The following DIPK1B variants were observed in gnomAD, a reference collection of about 807,000 sequenced individuals.
DIPK1B encodes divergent protein kinase domain 1B.
DIPK1B carries 17 observed loss-of-function variants against 20.7 expected under a neutral mutation model. The ratio of observed to expected loss-of-function variants is 0.82; its 90% CI spans 0.56 to 1.23. DIPK1B has a LOEUF of 1.23. Among genes scored for constraint, DIPK1B ranks in the 50% most tolerant of loss-of-function variants. The pLI is 0.00. For synonymous variants in DIPK1B, 343 were observed against 276.5 expected, an observed-to-expected ratio of 1.24 and a Z score of -2.39; for missense variants, 648 against 601.8, an observed-to-expected ratio of 1.08 and a Z score of -0.80.
intron 1 of DIPK1B, among the ~76,000 whole-genome samples, chr9:136,715,554 G>A (rs111898640): frequency 0.074 from 11,084 of 150,564 alleles, 474 homozygotes; most frequent in Non-Finnish European, 0.092. Flanking sequence ...TCACTCTGTC[G>A]CCCAGGCTGG....
intron 4 of DIPK1B, 164 bp downstream of exon 4, chr9:136,722,465 G>T: frequency 1.1e-6 from 1 of 872,250 alleles, no homozygotes; most frequent in Non-Finnish European, 1.7e-6. Flanking sequence ...CCCTGCCAGG[G>T]AAGGAGCCTC....
In DIPK1B at chr9:136,712,681, C is replaced by T. The variant is rs1327639847; in HGVS notation, c.16C>T (p.Arg6Cys). MRRLR[R>C]LAHLVLFCPF... Reference sequence around the variant, plus strand: ...GGAGCCCACCATGCGGCGGCTGCGGCGCCTGGCGCACCTGGTGCTCTTCTG... The same window carrying T: ...GGAGCCCACCATGCGGCGGCTGCGGTGCCTGGCGCACCTGGTGCTCTTCTG... Residue 6 changes from arginine to cysteine, a missense_variant, in exon 1 of 5, where the codon CGC (arginine) becomes TGC (cysteine). Coordinates refer to ENST00000371692, the MANE Select transcript of DIPK1B (RefSeq NM_152421.4). The surrounding 1 kb of genome is among the most constrained non-coding windows in gnomAD (Gnocchi z 5.6). The T allele has an allele frequency of 2.3e-6, 3 of 1,316,456 alleles. No homozygotes were observed. The highest frequency in any genetic ancestry group is 2.9e-6 in the Non-Finnish European group (3 of 1,033,338). 81.5% of individuals were successfully genotyped at this position (1,316,456 alleles called of 1,614,324 possible). A position where few individuals can be genotyped will look rare whatever the true frequency, so the allele number is the denominator to read the frequency against.
At chr9:136,716,876 G>C (rs1846504641) in intron 1 of DIPK1B, among the ~76,000 whole-genome samples, 1 of 151,874 alleles carries the variant, frequency 6.6e-6, no homozygotes, top group Non-Finnish European at 1.5e-5. Flanking sequence ...CGCTCACCTG[G>C]CCTTGTGCGG....
chr9:136,712,679 GGCGCCTGGC>G lies in DIPK1B; in HGVS notation c.17_25del (p.Arg6_Ala8del). 7.6e-7 allele frequency: 1 copy of G among 1,312,172 alleles called. No individual in the cohort carries two copies. 81.3% of individuals were successfully genotyped at this position (1,312,172 alleles called of 1,614,324 possible). On this transcript the variant is annotated inframe_deletion, in exon 1 of 5. Transcript: ENST00000371692. This position sits in a 1 kb window ranked among gnomAD's most constrained non-coding sequence, Gnocchi z 5.6. ...CCGGAGCCCACCATGCGGCGGCTGCGGCGCCTGGCGCACCTGGTGCTCTTCTGCCCCTTC... is the reference window on the plus strand; with the variant it reads ...CCGGAGCCCACCATGCGGCGGCTGCGGCACCTGGTGCTCTTCTGCCCCTTC...
Position 136,723,713 on chromosome 9 carries a change from TG to T in DIPK1B, c.1237del (p.Val413CysfsTer72). On this transcript the variant is annotated frameshift_variant, in exon 5 of 5. Coordinates refer to ENST00000371692, the MANE Select transcript of DIPK1B (RefSeq NM_152421.4). LOFTEE classifies it high-confidence loss of function. ...LASQVEAHHS[L>X]VLSHLKTLLW... ...AGCCAGGTGGAGGCCCATCACTCGCTGGTGCTCAGCCACCTCAAGACTCTGC... is the reference window on the plus strand; with the variant it reads ...AGCCAGGTGGAGGCCCATCACTCGCTGTGCTCAGCCACCTCAAGACTCTGC... 1.3e-6 allele frequency: 2 copies of T among 1,537,212 alleles called. No homozygotes were observed. Among genetic ancestry groups the T allele is most frequent in the Non-Finnish European group, 1.7e-6 (2 of 1,147,020 alleles).
At chr9:136,720,648 G>T (rs1263282843) in intron 2 of DIPK1B, among the ~76,000 whole-genome samples, 1 of 152,182 alleles carries the variant, frequency 6.6e-6, no homozygotes, top group African/African-American at 2.4e-5. Flanking sequence ...CTAAGGAGGG[G>T]GCCTGTGGGA....
Position 136,724,315 on chromosome 9 carries a change from C to T in DIPK1B, c.*541C>T, listed in dbSNP as rs1846669034. ...CCCCCCAAACCTGGGCTGTGCACAACAGACCAAGAAAAAGGTGTTCCAGTA... is the reference window on the plus strand; with the variant it reads ...CCCCCCAAACCTGGGCTGTGCACAATAGACCAAGAAAAAGGTGTTCCAGTA... On this transcript the variant is annotated 3_prime_UTR_variant, in exon 5 of 5. Coordinates refer to ENST00000371692, the MANE Select transcript of DIPK1B (RefSeq NM_152421.4). Among the ~76,000 whole-genome samples, 1 of 152,208 alleles carries T rather than the reference C, an allele frequency of 6.6e-6. No homozygotes were observed. The highest frequency in any genetic ancestry group is 1.5e-5 in the Non-Finnish European group (1 of 68,042).
intron 1 of DIPK1B, among the ~76,000 whole-genome samples, chr9:136,715,517 C>CT (rs113806770): frequency 0.079 from 11,331 of 144,216 alleles, 482 homozygotes; most frequent in Non-Finnish European, 0.099. Flanking sequence ...TGCCTGCTTA[C>CT]TTTTTTTTTT....
At chr9:136,720,307 T>C (rs968516331) in intron 2 of DIPK1B, among the ~76,000 whole-genome samples, 1 of 152,184 alleles carries the variant, frequency 6.6e-6, no homozygotes, top group Admixed American at 6.5e-5. Context: ...GGCCTCCAGT[T>C]GGCCCATCTC....
chr9:136,719,928 G>T (rs13290932), intron 2 of DIPK1B, among the ~76,000 whole-genome samples: 2 of 38,154 alleles, frequency 5.2e-5, no homozygotes, highest in Non-Finnish European at 1.7e-4. Flanking sequence ...GGGCTGTGTG[G>T]TCTGGGGCTC....
intron 2 of DIPK1B, 105 bp downstream of exon 2, chr9:136,717,816 A>G (rs1846521990): frequency 6.6e-7 from 1 of 1,525,946 alleles, no homozygotes; most frequent in Non-Finnish European, 8.9e-7. Flanking sequence ...CCCAGGGCCC[A>G]CGAGGCACGT....
rs766678600 is a variant in DIPK1B at position 136,723,499 on chromosome 9, A to C, written c.1021A>C (p.Thr341Pro). 6.2e-7 allele frequency: 1 copy of C among 1,607,318 alleles called. No individual in the cohort carries two copies. The highest frequency in any genetic ancestry group is 1.1e-5 in the South Asian group (1 of 90,440). Reference sequence around the variant, plus strand: ...CCGCTGCGAGCACAGCACCGACTGCACCTACGGGCGCGACTGCAGGGCCCC... The same window carrying C: ...CCGCTGCGAGCACAGCACCGACTGCCCCTACGGGCGCGACTGCAGGGCCCC... The part of the protein sequence containing the change: ...GRRCEHSTDC[T>P]YGRDCRAPCD... Residue 341 changes from threonine to proline, a missense_variant, in exon 5 of 5, where the codon ACC becomes CCC. Thr to Pro is a conservative substitution (Grantham distance 38, BLOSUM62 -1). Transcript: ENST00000371692.
intron 1 of DIPK1B, among the ~76,000 whole-genome samples, chr9:136,717,339 G>A (rs1030663221): frequency 2.0e-5 from 3 of 152,140 alleles, no homozygotes; most frequent in Non-Finnish European, 2.9e-5. Context: ...TCTGGGCAGC[G>A]CCTGCCCCCA....
intron 1 of DIPK1B, among the ~76,000 whole-genome samples, chr9:136,716,012 G>A (rs1234701823): frequency 6.6e-6 from 1 of 152,016 alleles, no homozygotes; most frequent in Middle Eastern, 3.2e-3. Context: ...TGTCTCTATG[G>A]TTTTGGCGAC....
At chr9:136,713,028 T>C (rs1846448701) in intron 1 of DIPK1B, among the ~76,000 whole-genome samples, 1 of 152,166 alleles carries the variant, frequency 6.6e-6, no homozygotes, top group Non-Finnish European at 1.5e-5. Context: ...CCTTTCTTCT[T>C]TTCTCCACTT....
At chr9:136,722,344 C>T (rs769457541) in intron 4 of DIPK1B, 43 bp downstream of exon 4, 29 of 1,580,790 alleles carry the variant, frequency 1.8e-5, no homozygotes, top group Admixed American at 7.1e-5. Context: ...GTCCACACCA[C>T]GGTCATATGC....
chr9:136,721,911 G>A lies in DIPK1B; in HGVS notation c.199-10G>A, dbSNP rs1279551336. 2 of 1,612,376 alleles carry A rather than the reference G, an allele frequency of 1.2e-6. No individual in the cohort carries two copies. The highest frequency in any genetic ancestry group is 8.5e-7 in the Non-Finnish European group (1 of 1,179,692). ...TGCCCCGCCCGGCACGCCTGCACCT[G>A]TCTCCTCAGTGTGACCAGTACCGCA... is the stretch of plus-strand genomic sequence containing the variant. On this transcript the variant is annotated splice_polypyrimidine_tract_variant and intron_variant, in intron 2 of 4. Transcript: ENST00000371692.
Position 136,712,813 on chromosome 9 carries a change from CG to C in DIPK1B, c.63+89del. On this transcript the variant is annotated intron_variant, in intron 1 of 4. Coordinates refer to ENST00000371692, the MANE Select transcript of DIPK1B (RefSeq NM_152421.4). The surrounding 1 kb of genome is among the most constrained non-coding windows in gnomAD (Gnocchi z 5.6). ...GCCCCGGAGTGGGCCGAGTACGGAG[CG>C]GGGCCCCGGGTTCGGACACGAAGGG... is the stretch of plus-strand genomic sequence containing the variant. 1 of 994,318 alleles carries C rather than the reference CG, an allele frequency of 1.0e-6. No homozygotes were observed. The highest frequency in any genetic ancestry group is 1.3e-6 in the Non-Finnish European group (1 of 774,674). The allele number at this position is 994,318 out of a possible 1,614,324, so 61.6% of individuals were successfully genotyped here.
rs916935124 is a variant in DIPK1B at position 136,724,572 on chromosome 9, A to G, written c.*798A>G. Reference sequence around the variant, plus strand: ...TCTTCAGGGCGGGCTCTGCTCCGCAATGTGTGAGTCAAGACAATCCATTCC... The same window carrying G: ...TCTTCAGGGCGGGCTCTGCTCCGCAGTGTGTGAGTCAAGACAATCCATTCC... On this transcript the variant is annotated 3_prime_UTR_variant, in exon 5 of 5. Transcript: ENST00000371692. The G allele has an allele frequency of 6.6e-6, 1 of 152,254 alleles. No individual in the cohort carries two copies. Among genetic ancestry groups the G allele is most frequent in the African/African-American group, 2.4e-5 (1 of 41,464 alleles). 9.4% of individuals were successfully genotyped at this position (152,254 alleles called of 1,614,324 possible).
Sources: allele counts gnomAD v4.1 joint callset (sites outside exome capture counted in the v4.1 genomes callset), GRCh38; gene constraint gnomAD v4.1.1; non-coding constraint Gnocchi (gnomAD v3.1); transcripts MANE v1.5; gene names NCBI Gene and HGNC (gene_info 2026-07-23, HGNC 2026-07-21).